ROBO2: variants seen among roughly 807,000 people sequenced by gnomAD.
The protein encoded by ROBO2 is roundabout homolog 2.
In ROBO2, 53 loss-of-function variants were observed where a neutral mutation model predicts 160.8. That is an observed-to-expected ratio of 0.33 (90% CI 0.26 to 0.41). The LOEUF is 0.41. ROBO2 is among the 10% of genes least tolerant of loss of function. The probability of loss-of-function intolerance (pLI) is 1.00; values close to 1 mark genes in which losing one functional copy is unlikely to be tolerated. For missense variants in ROBO2, 1,577 were observed against 1,722.4 expected (o/e 0.92, Z 1.49); for synonymous variants, 664 against 611.7 (o/e 1.09, Z -1.26).
rs545846981 is a variant in ROBO2 at position 77,042,346 on chromosome 3, G to A, written c.61+1500G>A. Among the ~76,000 whole-genome samples, 4 of 152,296 alleles carry A rather than the reference G, an allele frequency of 2.6e-5. No homozygotes were observed. In the South Asian group the frequency reaches 8.3e-4, roughly 32 times the overall value. On this transcript the variant is annotated intron_variant, in intron 1 of 25. Transcript: ENST00000461745. Reference sequence around the variant, plus strand: ...ATAGGTTTACCTATTTGTCCCAGGTGTGTTTGATTTTCATGATAAGAAGAA... The same window carrying A: ...ATAGGTTTACCTATTTGTCCCAGGTATGTTTGATTTTCATGATAAGAAGAA...
chr3:76,312,171 C>T (rs1414018050), intron 2 of ROBO2, among the ~76,000 whole-genome samples: 2 of 152,114 alleles, frequency 1.3e-5, no homozygotes, highest in African/African-American at 2.4e-5. Context: ...TTTCTGGACA[C>T]TGTTTGTATG....
chr3:77,346,680 T>G (rs1455384195), intron 2 of ROBO2, among the ~76,000 whole-genome samples: 1 of 152,148 alleles, frequency 6.6e-6, no homozygotes, highest in Non-Finnish European at 1.5e-5. Flanking sequence ...GAATTCAGTG[T>G]TCTACAGTTG....
At chr3:76,098,144 T>C (rs2069530928) in intron 2 of ROBO2, among the ~76,000 whole-genome samples, 1 of 152,156 alleles carries the variant, frequency 6.6e-6, no homozygotes, top group Non-Finnish European at 1.5e-5. Context: ...TCACATTTGA[T>C]TCCTTATAAA....
chr3:76,279,751 A>G (rs1708132014), intron 2 of ROBO2, among the ~76,000 whole-genome samples: 1 of 151,578 alleles, frequency 6.6e-6, no homozygotes, highest in African/African-American at 2.4e-5. Context: ...AACATAAGAT[A>G]AAAACATAAC....
At chr3:76,749,498 A>T (rs2093945458) in intron 2 of ROBO2, among the ~76,000 whole-genome samples, 1 of 152,032 alleles carries the variant, frequency 6.6e-6, no homozygotes, top group African/African-American at 2.4e-5. Flanking sequence ...TGATCTAGGG[A>T]GTGAGTTAGC....
At chr3:76,937,759 T>A (rs1279682079) in intron 2 of ROBO2, among the ~76,000 whole-genome samples, 1 of 152,158 alleles carries the variant, frequency 6.6e-6, no homozygotes, top group Admixed American at 6.5e-5. Flanking sequence ...ATGTAATAAA[T>A]TTGGAATATT....
At chr3:77,244,295 A>G (rs939430452) in intron 2 of ROBO2, among the ~76,000 whole-genome samples, 7 of 152,236 alleles carry the variant, frequency 4.6e-5, no homozygotes, top group Non-Finnish European at 7.3e-5. Context: ...AACAAGACAC[A>G]TATTGTAAGA....
intron 2 of ROBO2, among the ~76,000 whole-genome samples, chr3:76,608,569 T>C (rs1018746694): frequency 2.0e-5 from 3 of 152,178 alleles, no homozygotes; most frequent in African/African-American, 7.2e-5. Flanking sequence ...CAGAAGACCT[T>C]TAACTTTGTA....
chr3:77,204,326 GCTA>G (rs1470643910), intron 2 of ROBO2, among the ~76,000 whole-genome samples: 1 of 151,874 alleles, frequency 6.6e-6, no homozygotes, highest in Non-Finnish European at 1.5e-5. Context: ...AGCAAAATAT[GCTA>G]CTTTTATTTT....
At chr3:76,207,890 A>G (rs1033988583) in intron 2 of ROBO2, among the ~76,000 whole-genome samples, 4 of 152,208 alleles carry the variant, frequency 2.6e-5, no homozygotes, top group Non-Finnish European at 1.5e-5. Flanking sequence ...TATAGTCCCC[A>G]GTGTGGGAGG....
intron 2 of ROBO2, among the ~76,000 whole-genome samples, chr3:76,515,767 C>A (rs2081319748): frequency 6.6e-6 from 1 of 152,010 alleles, no homozygotes; most frequent in South Asian, 2.1e-4. Flanking sequence ...AATGGATAAC[C>A]CACTCTCTGT....
chr3:75,909,070 G>C (rs768771240), intron 1 of ROBO2, among the ~76,000 whole-genome samples: 2 of 152,158 alleles, frequency 1.3e-5, no homozygotes, highest in Non-Finnish European at 2.9e-5. Context: ...AAAAGGAGAG[G>C]TAGAAACGGA....
At chr3:75,972,612 G>T (rs981825193) in intron 2 of ROBO2, among the ~76,000 whole-genome samples, 5 of 151,600 alleles carry the variant, frequency 3.3e-5, no homozygotes, top group African/African-American at 1.2e-4. Flanking sequence ...GAAATGCAGG[G>T]CATAATTTTC....
chr3:76,203,921 C>T (rs368975447), intron 2 of ROBO2, among the ~76,000 whole-genome samples: 32 of 152,178 alleles, frequency 2.1e-4, no homozygotes, highest in African/African-American at 7.5e-4. Flanking sequence ...TAAGAAGATG[C>T]CTTGCTGTTC....
At chr3:77,605,067 G>A (rs1217138516) in intron 20 of ROBO2, among the ~76,000 whole-genome samples, 2 of 151,468 alleles carry the variant, frequency 1.3e-5, no homozygotes, top group Non-Finnish European at 2.9e-5. Context: ...TTGAGAGTCT[G>A]GGGTAGAAGG....
intron 2 of ROBO2, among the ~76,000 whole-genome samples, chr3:77,446,218 A>G (rs370431203): frequency 5.3e-5 from 8 of 152,168 alleles, no homozygotes; most frequent in Middle Eastern, 3.4e-3. Context: ...TCAAAGATTC[A>G]CTTACTAAGA....
chr3:77,378,737 G>A (rs1242156583), intron 2 of ROBO2, among the ~76,000 whole-genome samples: 1 of 152,092 alleles, frequency 6.6e-6, no homozygotes, highest in Non-Finnish European at 1.5e-5. Context: ...TGCCGTCTCT[G>A]AACCGGTGTT....
At chr3:76,440,893 A>G (rs2076896693) in intron 2 of ROBO2, among the ~76,000 whole-genome samples, 1 of 152,062 alleles carries the variant, frequency 6.6e-6, no homozygotes, top group Non-Finnish European at 1.5e-5. Context: ...TTCATGTGGC[A>G]TGTGGCATGT....
chr3:76,549,782 T>G (rs2083310478), intron 2 of ROBO2, among the ~76,000 whole-genome samples: 1 of 152,204 alleles, frequency 6.6e-6, no homozygotes, highest in South Asian at 2.1e-4. Context: ...ATTTGTCACC[T>G]TAAAACTTTC....
Sources: gnomAD v4.1 joint callset for allele counts (sites outside exome capture counted in the v4.1 genomes callset) on GRCh38, gnomAD v4.1.1 for gene constraint, MANE v1.5 for transcripts, NCBI Gene and HGNC (gene_info 2026-07-23, HGNC 2026-07-21) for gene names.